Variants in AAR2 observed in about 807,000 individuals in gnomAD.
The protein encoded by AAR2 is protein AAR2 homolog.
In AAR2, 31 loss-of-function variants were observed where a neutral mutation model predicts 26.9. That is an observed-to-expected ratio of 1.15 (90% confidence interval 0.86 to 1.55). AAR2 has a LOEUF of 1.55. Among genes scored for constraint, AAR2 ranks in the 40% most tolerant of loss-of-function variants. The pLI is 0.00. For synonymous variants in AAR2, 188 were observed against 196.1 expected (o/e 0.96, Z 0.34); for missense variants, 430 against 491.3 (o/e 0.88, Z 1.18).
At chr20:36,239,773 G>A in intron 1 of AAR2, 48 bp from the exon 2 acceptor site, 1 of 1,416,284 alleles carries the variant, frequency 7.1e-7, no homozygotes, top group Non-Finnish European at 9.5e-7. Context: ...AGCAAATGAA[G>A]CATCTTTCCC....
Position 36,244,867 on chromosome 20 carries a change from C to T in AAR2, c.928C>T (p.Pro310Ser), listed in dbSNP as rs1267851457. 3 of 1,614,180 alleles carry T rather than the reference C, an allele frequency of 1.9e-6. No individual in the cohort carries two copies. In the Admixed American group the frequency reaches 5.0e-5, roughly 27 times the overall value. Residue 310 changes from proline (P) to serine (S), a missense_variant, in exon 3 of 4, where the codon CCC becomes TCC. By Grantham distance (74) the Pro-to-Ser change is moderately conservative. Transcript: ENST00000320849. ...SILYHQLGEIPADFFVDIVSQ... is the reference protein window; with the variant it reads ...SILYHQLGEISADFFVDIVSQ... Reference sequence around the variant, plus strand: ...CCTGTACCACCAGCTTGGTGAGATCCCCGCTGACTTCTTCGTAGACATTGT... The same window carrying T: ...CCTGTACCACCAGCTTGGTGAGATCTCCGCTGACTTCTTCGTAGACATTGT...
chr20:36,248,266 T>C (rs1312059546), intron 3 of AAR2, among the ~76,000 whole-genome samples: 30 of 152,156 alleles, frequency 2.0e-4, no homozygotes, highest in Admixed American at 2.0e-3. Context: ...TCTGCCTGAC[T>C]CCCGCACTGA....
At chr20:36,249,661 A>C (rs2064766202) in intron 3 of AAR2, among the ~76,000 whole-genome samples, 1 of 152,216 alleles carries the variant, frequency 6.6e-6, no homozygotes, top group Admixed American at 6.5e-5. Context: ...TCTCTTTTGC[A>C]TGCTTAGTCT....
rs2064666993 is a variant in AAR2, at chr20:36,240,390, G to C, written c.522G>C (p.Val174=). The change falls in exon 2 of 4, where the codon GTG becomes GTC. Residue 174 remains valine, a synonymous_variant. Transcript: ENST00000320849. ...CCATGAAGCACACCAAGGACCGCGT[G>C]GGGCAGAATCTACCCCGCTGTGGCA... is the stretch of plus-strand genomic sequence containing the variant. ...VLSMKHTKDR[V]GQNLPRCGIE... is the part of the protein sequence containing the mutation. 6.2e-7 allele frequency: 1 copy of C among 1,614,220 alleles called. No homozygotes were observed. The highest frequency in any genetic ancestry group is 8.5e-7 in the Non-Finnish European group (1 of 1,180,046).
intron 3 of AAR2, among the ~76,000 whole-genome samples, chr20:36,249,930 C>T (rs2064768201): frequency 6.6e-6 from 1 of 152,178 alleles, no homozygotes; most frequent in Non-Finnish European, 1.5e-5. Flanking sequence ...CATTGTGAAA[C>T]AATAGTCTTG....
intron 2 of AAR2, among the ~76,000 whole-genome samples, chr20:36,242,549 C>G (rs972167489): frequency 6.6e-6 from 1 of 151,962 alleles, no homozygotes; most frequent in African/African-American, 2.4e-5. Flanking sequence ...CGCCACCACG[C>G]CCGGCTAATT....
chr20:36,244,878 C>G lies in AAR2; in HGVS notation c.939C>G (p.Phe313Leu). The G allele has an allele frequency of 6.2e-7, 1 of 1,614,232 alleles. No individual in the cohort carries two copies. The highest frequency in any genetic ancestry group is 1.7e-5 in the Admixed American group (1 of 60,026). The part of the protein sequence containing the change: ...YHQLGEIPAD[F>L]FVDIVSQDNF... ...AGCTTGGTGAGATCCCCGCTGACTT[C>G]TTCGTAGACATTGTCTCCCAAGACA... Residue 313 changes from phenylalanine to leucine, a missense_variant, in exon 3 of 4, where the codon TTC (phenylalanine) becomes TTG (leucine). By Grantham distance (22) the Phe-to-Leu change is conservative. Transcript: ENST00000320849.
At chr20:36,245,612 C>T (rs1391027811) in intron 3 of AAR2, among the ~76,000 whole-genome samples, 1 of 152,202 alleles carries the variant, frequency 6.6e-6, no homozygotes, top group African/African-American at 2.4e-5. Context: ...ACTTTCCCTC[C>T]CATGAGCTTC....
intron 3 of AAR2, among the ~76,000 whole-genome samples, chr20:36,254,604 T>G (rs2147300870): frequency 6.6e-6 from 1 of 152,312 alleles, no homozygotes; most frequent in East Asian, 1.9e-4. Flanking sequence ...GTGGTGATGG[T>G]TGTACAACAG....
intron 2 of AAR2, among the ~76,000 whole-genome samples, chr20:36,240,952 C>G (rs2064675134): frequency 6.6e-6 from 1 of 152,166 alleles, no homozygotes; most frequent in Non-Finnish European, 1.5e-5. Flanking sequence ...AGACGAGAAC[C>G]CAGGACTCTT....
intron 3 of AAR2, among the ~76,000 whole-genome samples, chr20:36,248,607 A>G (rs866889741): frequency 1.3e-5 from 2 of 152,158 alleles, no homozygotes; most frequent in South Asian, 4.1e-4. Flanking sequence ...GTTATCATCA[A>G]TATGTTGTCA....
intron 1 of AAR2, among the ~76,000 whole-genome samples, chr20:36,239,246 G>T (rs2064650212): frequency 6.6e-6 from 1 of 152,164 alleles, no homozygotes; most frequent in South Asian, 2.1e-4. Flanking sequence ...TGGTAGGAAA[G>T]CTCTCTAGAC....
intron 1 of AAR2, among the ~76,000 whole-genome samples, chr20:36,237,159 CTTGTGGGGGACCA>C (rs1483144538): frequency 6.6e-6 from 1 of 152,172 alleles, no homozygotes; most frequent in Non-Finnish European, 1.5e-5. Context: ...GAACAGAGAG[CTTGTGGGGGACCA>C]TTGTGTGACA....
chr20:36,255,990 A>G lies in AAR2; in HGVS notation c.*245A>G, dbSNP rs2064818184. On this transcript the variant is annotated 3_prime_UTR_variant, in exon 4 of 4. Coordinates refer to ENST00000320849, the MANE Select transcript of AAR2 (RefSeq NM_001271874.2). ...CAGGCCTTGGTGCTAACCTGGCTGA[A>G]TTTCACACAGGCTCTTACACACACA... is the stretch of plus-strand genomic sequence containing the variant. 3.9e-6 allele frequency: 2 copies of G among 515,676 alleles called. No individual in the cohort carries two copies. The highest frequency in any genetic ancestry group is 1.9e-5 in the African/African-American group (1 of 52,616). The allele number at this position is 515,676 out of a possible 1,614,324, so 31.9% of individuals were successfully genotyped here.
Position 36,256,082 on chromosome 20 carries a change from A to C in AAR2, c.*337A>C. 9.4e-6 allele frequency: 2 copies of C among 212,458 alleles called. No individual in the cohort carries two copies. The highest frequency in any genetic ancestry group is 1.0e-4 in the East Asian group (1 of 9,978). 13.2% of individuals were successfully genotyped at this position (212,458 alleles called of 1,614,324 possible). A position where few individuals can be genotyped will look rare whatever the true frequency, so the allele number is the denominator to read the frequency against. Reference sequence around the variant, plus strand: ...TCTGAATGAGAAGGAATTGAACCAAAAGTCCAAGAAAGAACTGATTGCTTG... The same window carrying C: ...TCTGAATGAGAAGGAATTGAACCAACAGTCCAAGAAAGAACTGATTGCTTG... On this transcript the variant is annotated 3_prime_UTR_variant, in exon 4 of 4. Transcript: ENST00000320849.
chr20:36,240,449 G>T lies in AAR2; in HGVS notation c.581G>T (p.Arg194Leu), dbSNP rs201316006. 5.0e-6 allele frequency: 8 copies of T among 1,614,200 alleles called. No individual in the cohort carries two copies. The highest frequency in any genetic ancestry group is 6.8e-6 in the Non-Finnish European group (8 of 1,180,044). ...AAAAGCTACCAAGAGGGCCTGGCCC[G>T]GCTACCAGAGATGAAGCCCAGAGCC... ...ECKSYQEGLA[R>L]LPEMKPRAGT... The change falls in exon 2 of 4, where the codon CGG becomes CTG. Residue 194 changes from arginine to leucine, a missense_variant. By Grantham distance (102) the Arg-to-Leu change is moderately radical. Coordinates refer to ENST00000320849, the MANE Select transcript of AAR2 (RefSeq NM_001271874.2).
At chr20:36,247,820 G>A (rs758246334) in intron 3 of AAR2, among the ~76,000 whole-genome samples, 5 of 151,982 alleles carry the variant, frequency 3.3e-5, no homozygotes, top group Non-Finnish European at 5.9e-5. Flanking sequence ...AGTGATTCGA[G>A]ATTGCACCAC....
At chr20:36,250,402 T>C (rs2064771246) in intron 3 of AAR2, among the ~76,000 whole-genome samples, 1 of 152,238 alleles carries the variant, frequency 6.6e-6, no homozygotes, top group Non-Finnish European at 1.5e-5. Context: ...CGTTAAAAAG[T>C]GTTGACTTGA....
intron 3 of AAR2, among the ~76,000 whole-genome samples, chr20:36,249,159 G>A (rs1259404837): frequency 2.6e-5 from 4 of 152,188 alleles, no homozygotes; most frequent in African/African-American, 7.2e-5. Context: ...AATCAGCCGC[G>A]TAATGGAATT....
Sources: allele counts gnomAD v4.1 joint callset (sites outside exome capture counted in the v4.1 genomes callset), GRCh38; gene constraint gnomAD v4.1.1; transcripts MANE v1.5; gene names NCBI Gene and HGNC (gene_info 2026-07-23, HGNC 2026-07-21).